Variants in SUSD4 observed in about 807,000 individuals in gnomAD.
SUSD4 encodes the protein sushi domain-containing protein 4.
A neutral mutation model predicts 50.5 loss-of-function variants in SUSD4; 41 were observed. The observed-to-expected ratio is 0.81, with a 90% CI of 0.63 to 1.05. SUSD4 has a LOEUF of 1.05. Ranked by LOEUF, SUSD4 falls within the 50% of genes least tolerant of loss-of-function variation. The probability of loss-of-function intolerance (pLI) is 0.00; values close to 1 mark genes in which losing one functional copy is unlikely to be tolerated. For synonymous variants in SUSD4, 257 were observed against 257.3 expected (o/e 1.00, Z 0.01); for missense variants, 580 against 634.7 (o/e 0.91, Z 0.93).
chr1:223,308,435 A>G lies in SUSD4; in HGVS notation c.149-15784T>C, dbSNP rs1019101376. Among the ~76,000 whole-genome samples, 6 of 152,306 alleles carry G rather than the reference A, an allele frequency of 3.9e-5. No homozygotes were observed. In the South Asian group the frequency reaches 6.2e-4, roughly 16 times the overall value. On this transcript the variant is annotated intron_variant, in intron 2 of 8. Transcript: ENST00000366878. ...TGACGCCTCCCCAGAAGCCCAGCAG[A>G]GGCTAGCATCATGCTTCCTACACAG... is the stretch of plus-strand genomic sequence containing the variant.
At chr1:223,323,149 C>T (rs150562085) in intron 2 of SUSD4, among the ~76,000 whole-genome samples, 4 of 147,830 alleles carry the variant, frequency 2.7e-5, no homozygotes, top group Non-Finnish European at 4.5e-5. Context: ...CTCACAATGA[C>T]GGAGGGTGAA....
At chr1:223,352,066 G>A (rs190242375) in intron 2 of SUSD4, among the ~76,000 whole-genome samples, 31 of 152,302 alleles carry the variant, frequency 2.0e-4, no homozygotes, top group Admixed American at 1.4e-3. Context: ...CTCTGCTTTC[G>A]ATTAAAGCCC....
chr1:223,265,116 G>A (rs1446025012), intron 4 of SUSD4, among the ~76,000 whole-genome samples: 1 of 152,184 alleles, frequency 6.6e-6, no homozygotes, highest in Non-Finnish European at 1.5e-5. Context: ...ACGTGTTCTG[G>A]CTCTGACTGC....
intron 5 of SUSD4, among the ~76,000 whole-genome samples, chr1:223,239,173 T>A (rs1328638666): frequency 6.6e-6 from 1 of 152,112 alleles, no homozygotes; most frequent in Non-Finnish European, 1.5e-5. Context: ...TTTTCATTAC[T>A]GTTAGCAGGG....
chr1:223,253,202 G>A (rs957974342), intron 5 of SUSD4, among the ~76,000 whole-genome samples: 2 of 151,734 alleles, frequency 1.3e-5, no homozygotes, highest in South Asian at 2.1e-4. Context: ...GAAGCCACAA[G>A]AAAAAAAATG....
chr1:223,247,619 T>C (rs1253358831), intron 5 of SUSD4, among the ~76,000 whole-genome samples: 1 of 152,194 alleles, frequency 6.6e-6, no homozygotes, highest in Non-Finnish European at 1.5e-5. Context: ...CTCCAGATGT[T>C]TGTTGCTATT....
chr1:223,363,267 G>A lies in SUSD4; in HGVS notation c.148+11C>T. ...ATCCCCAGGCCCTCCCACCACAGCT[G>A]GGTCACTCACCGCCCGTGAGCTGTG... is the stretch of plus-strand genomic sequence containing the variant. On this transcript the variant is annotated intron_variant, in intron 2 of 8. Transcript: ENST00000366878. The A allele has an allele frequency of 1.3e-6, 2 of 1,575,924 alleles. 1 individual carries two copies. The highest frequency in any genetic ancestry group is 1.7e-6 in the Non-Finnish European group (2 of 1,158,790).
intron 5 of SUSD4, among the ~76,000 whole-genome samples, chr1:223,241,935 ATAAT>A (rs1660612574): frequency 6.6e-6 from 1 of 152,118 alleles, no homozygotes. Context: ...GAAGCTAGTA[ATAAT>A]TAGAGTATGT....
intron 2 of SUSD4, among the ~76,000 whole-genome samples, chr1:223,357,005 T>A (rs1007751980): frequency 1.3e-5 from 2 of 152,104 alleles, no homozygotes; most frequent in African/African-American, 4.8e-5. Flanking sequence ...CAGAGAACCA[T>A]CAGAAGGGAA....
intron 2 of SUSD4, among the ~76,000 whole-genome samples, chr1:223,317,068 T>G (rs1666236154): frequency 1.3e-5 from 2 of 152,160 alleles, no homozygotes; most frequent in African/African-American, 4.8e-5. Context: ...GACTGAAACC[T>G]ACTGGGCTGC....
rs74979701 is a variant in SUSD4, at chr1:223,248,076, A to G, written c.724+16554T>C. 5.1e-3 allele frequency among the ~76,000 whole-genome samples: 776 copies of G among 152,330 alleles called. 33 individuals carry two copies. The East Asian group carries it at 0.11, about 22-fold the overall frequency. On this transcript the variant is annotated intron_variant, in intron 5 of 8. Coordinates refer to ENST00000366878, the MANE Select transcript of SUSD4 (RefSeq NM_017982.4). Reference sequence around the variant, plus strand: ...CCTACTCAATCAGAAACTTTATTTCAGCAAGATTCCCAGGTGATTCACATG... The same window carrying G: ...CCTACTCAATCAGAAACTTTATTTCGGCAAGATTCCCAGGTGATTCACATG...
rs79104988 is a variant in SUSD4 at position 223,227,235 on chromosome 1, G to A, written c.1061+359C>T. Among the ~76,000 whole-genome samples the A allele has an allele frequency of 6.6e-3, 1,006 of 152,202 alleles. 7 individuals are homozygous for A. The highest frequency in any genetic ancestry group is 0.01 in the Middle Eastern group (3 of 294). ...GCGCATCTTACCCTCCCTATAGACTGAGCTGTGTGGTGCTTCACTCCAGGG... is the reference window on the plus strand; with the variant it reads ...GCGCATCTTACCCTCCCTATAGACTAAGCTGTGTGGTGCTTCACTCCAGGG... On this transcript the variant is annotated intron_variant, in intron 7 of 8. Transcript: ENST00000366878. This position sits in a 1 kb window ranked among gnomAD's most constrained non-coding sequence, Gnocchi z 4.5.
intron 2 of SUSD4, among the ~76,000 whole-genome samples, chr1:223,301,450 G>T (rs139164128): frequency 2.0e-5 from 3 of 152,328 alleles, no homozygotes; most frequent in Admixed American, 1.3e-4. Flanking sequence ...TTGGTTTCAT[G>T]AAACAGAGTT....
intron 2 of SUSD4, among the ~76,000 whole-genome samples, chr1:223,352,075 C>T (rs1668400745): frequency 6.6e-6 from 1 of 152,140 alleles, no homozygotes; most frequent in Non-Finnish European, 1.5e-5. Context: ...CGATTAAAGC[C>T]CCTGTTAACC....
At chr1:223,325,818 G>A (rs140565881) in intron 2 of SUSD4, among the ~76,000 whole-genome samples, 393 of 152,232 alleles carry the variant, frequency 2.6e-3, no homozygotes, top group African/African-American at 8.8e-3. Flanking sequence ...AACCAAGGAG[G>A]TGAAAGATCT....
intron 5 of SUSD4, chr1:223,263,724 C>T (rs193214578): frequency 3.0e-6 from 3 of 985,434 alleles, no homozygotes; most frequent in East Asian, 1.1e-4. Context: ...CCATGACACA[C>T]GTCCTACCCT....
chr1:223,362,390 T>C (rs1346651950), intron 2 of SUSD4, among the ~76,000 whole-genome samples: 1 of 152,220 alleles, frequency 6.6e-6, no homozygotes, highest in Non-Finnish European at 1.5e-5. Flanking sequence ...CAGCTCCTTT[T>C]AACGTCCACA....
intron 2 of SUSD4, among the ~76,000 whole-genome samples, chr1:223,314,142 C>A (rs1472869256): frequency 1.3e-5 from 2 of 152,130 alleles, no homozygotes; most frequent in African/African-American, 4.8e-5. Context: ...ATCCAAGAAT[C>A]CTCTCTTGGG....
chr1:223,237,268 T>C (rs1406067429), intron 5 of SUSD4, among the ~76,000 whole-genome samples: 1 of 152,098 alleles, frequency 6.6e-6, no homozygotes, highest in Middle Eastern at 3.2e-3. Flanking sequence ...TTTGGATTTC[T>C]TACATAGATG....
Sources: allele counts gnomAD v4.1 joint callset (sites outside exome capture counted in the v4.1 genomes callset), GRCh38; gene constraint gnomAD v4.1.1; non-coding constraint Gnocchi (gnomAD v3.1); transcripts MANE v1.5; gene names NCBI Gene and HGNC (gene_info 2026-07-23, HGNC 2026-07-21).